Variants in MSANTD4 observed in about 807,000 individuals in gnomAD.
MSANTD4 encodes myb/SANT-like DNA-binding domain-containing protein 4.
A neutral mutation model predicts 34.3 loss-of-function variants in MSANTD4; 13 were observed. That is an observed-to-expected ratio of 0.38 (90% confidence interval 0.25 to 0.60). The LOEUF (loss-of-function observed/expected upper bound fraction) is 0.60, where lower values mean the gene tolerates loss of function less well. Among genes scored for constraint, MSANTD4 ranks in the 20% least tolerant of loss-of-function variants. The pLI is 0.63. For missense variants in MSANTD4, 358 were observed against 401.8 expected, an observed-to-expected ratio of 0.89 and a Z score of 0.93; for synonymous variants, 137 against 145.2, an observed-to-expected ratio of 0.94 and a Z score of 0.41.
chr11:106,010,554 T>G lies in MSANTD4; in HGVS notation c.364A>C (p.Asn122His), dbSNP rs138206135. 7 of 1,614,176 alleles carry G rather than the reference T, an allele frequency of 4.3e-6. No individual in the cohort carries two copies. The highest frequency in any genetic ancestry group is 5.9e-6 in the Non-Finnish European group (7 of 1,180,024). Residue 122 changes from asparagine (N) to histidine (H), a missense_variant, in exon 2 of 3, where the codon AAT becomes CAT. Asn to His is a moderately conservative substitution (Grantham distance 68). Around this residue, in one of 2 missense-constraint regions of MSANTD4, gnomAD observed 312 missense variants for 317.6 expected, o/e 0.98. Coordinates refer to ENST00000301919, the MANE Select transcript of MSANTD4 (RefSeq NM_032424.3). ...TCTGCCACATTTTGCCAGTCAAAATTTGCATCATTTCGGAATCCAATCTTT... is the reference window on the plus strand; with the variant it reads ...TCTGCCACATTTTGCCAGTCAAAATGTGCATCATTTCGGAATCCAATCTTT... ...DEKIGFRNDA[N>H]FDWQNVADFR...
At position 106,009,706 on chromosome 11, in the gene MSANTD4, T is replaced by C. The variant is rs773665620; in HGVS notation, c.867A>G (p.Gln289=). The C allele has an allele frequency of 1.2e-6, 2 of 1,614,120 alleles. No homozygotes were observed. The highest frequency in any genetic ancestry group is 2.7e-5 in the African/African-American group (2 of 74,948). The change falls in exon 3 of 3, where the codon CAA becomes CAG. Residue 289 remains glutamine, a synonymous_variant. Coordinates refer to ENST00000301919, the MANE Select transcript of MSANTD4 (RefSeq NM_032424.3). ...ELGQGEKSML[Q]PQDIETEKLK... ...ACTTCTCTGTTTCTATGTCCTGTGG[T>C]TGAAGCATGGATTTTTCTCCTTGAC...
At chr11:106,011,748 G>C (rs1180456811) in intron 1 of MSANTD4, among the ~76,000 whole-genome samples, 2 of 152,086 alleles carry the variant, frequency 1.3e-5, no homozygotes, top group Admixed American at 6.5e-5. Flanking sequence ...AATATGTTTT[G>C]AATGAATGAA....
rs1859676087 is a variant in MSANTD4 at position 106,011,029 on chromosome 11, T to C, written c.-112A>G. The C allele has an allele frequency of 2.8e-6, 4 of 1,430,520 alleles. No homozygotes were observed. The highest frequency in any genetic ancestry group is 3.6e-6 in the Non-Finnish European group (4 of 1,096,976). The allele number at this position is 1,430,520 out of a possible 1,614,324, so 88.6% of individuals were successfully genotyped here. A position where few individuals can be genotyped will look rare whatever the true frequency, so the allele number is the denominator to read the frequency against. ...TGCTGGCCCTTAGTTCAAATCATTGTCTTCCATTCATCTAGTGGCAAGGCA... is the reference window on the plus strand; with the variant it reads ...TGCTGGCCCTTAGTTCAAATCATTGCCTTCCATTCATCTAGTGGCAAGGCA... On this transcript the variant is annotated 5_prime_UTR_variant, in exon 2 of 3. Coordinates refer to ENST00000301919, the MANE Select transcript of MSANTD4 (RefSeq NM_032424.3).
rs1860035251 is a variant in MSANTD4 at position 106,021,522 on chromosome 11, G to A, written c.-711C>T. On this transcript the variant is annotated 5_prime_UTR_variant, in exon 1 of 3. Coordinates refer to ENST00000301919, the MANE Select transcript of MSANTD4 (RefSeq NM_032424.3). Reference sequence around the variant, plus strand: ...AAGTTCCGGATCAAAAAAATTTGAGGGTAAATTAGTTAAGCAGTTCAAGAA... The same window carrying A: ...AAGTTCCGGATCAAAAAAATTTGAGAGTAAATTAGTTAAGCAGTTCAAGAA... 1 of 151,918 alleles carries A rather than the reference G, an allele frequency of 6.6e-6. No individual in the cohort carries two copies. The highest frequency in any genetic ancestry group is 1.5e-5 in the Non-Finnish European group (1 of 67,976). The allele number at this position is 151,918 out of a possible 1,614,324, so 9.4% of individuals were successfully genotyped here.
chr11:106,017,902 C>T (rs1163340275), intron 1 of MSANTD4, among the ~76,000 whole-genome samples: 1 of 152,110 alleles, frequency 6.6e-6, no homozygotes, highest in Non-Finnish European at 1.5e-5. Flanking sequence ...AGAGCTGTGT[C>T]TCTCAAACTA....
rs547721225 is a variant in MSANTD4, at chr11:106,021,266, T to A, written c.-455A>T. ...GTCTCTAAAACTTACAAACCTTCTA[T>A]GCCCAATCACAGAGAACAGCCATTT... is the stretch of plus-strand genomic sequence containing the variant. On this transcript the variant is annotated 5_prime_UTR_variant, in exon 1 of 3. Transcript: ENST00000301919. 6.6e-6 allele frequency: 1 copy of A among 152,248 alleles called. No individual in the cohort carries two copies. The highest frequency in any genetic ancestry group is 1.9e-4 in the East Asian group (1 of 5,200). The allele number at this position is 152,248 out of a possible 1,614,324, so 9.4% of individuals were successfully genotyped here.
In MSANTD4 at chr11:106,008,807, T is replaced by C. The variant is rs1810576258; in HGVS notation, c.*728A>G. The C allele has an allele frequency of 6.6e-6, 1 of 152,182 alleles. No individual in the cohort carries two copies. Among genetic ancestry groups the C allele is most frequent in the East Asian group, 1.9e-4 (1 of 5,198 alleles). 9.4% of individuals were successfully genotyped at this position (152,182 alleles called of 1,614,324 possible). The stretch of plus-strand genomic sequence containing the variant: ...AAAGAATTCTTTTCAAAGTGACCCA[T>C]TTTAGAAAATTTCTGATGTTCTCTG... On this transcript the variant is annotated 3_prime_UTR_variant, in exon 3 of 3. Coordinates refer to ENST00000301919, the MANE Select transcript of MSANTD4 (RefSeq NM_032424.3).
Position 106,011,002 on chromosome 11 carries a change from T to G in MSANTD4, c.-85A>C, listed in dbSNP as rs551388802. ...AAAGCACAAAAACCAGGGATAATTC[T>G]TTGCTGGCCCTTAGTTCAAATCATT... On this transcript the variant is annotated 5_prime_UTR_variant, in exon 2 of 3. Transcript: ENST00000301919. 1 of 1,456,108 alleles carries G rather than the reference T, an allele frequency of 6.9e-7. No individual in the cohort carries two copies. Among genetic ancestry groups the G allele is most frequent in the East Asian group, 2.4e-5 (1 of 41,248 alleles). The allele number at this position is 1,456,108 out of a possible 1,614,324, so 90.2% of individuals were successfully genotyped here.
intron 2 of MSANTD4, 136 bp downstream of exon 2, chr11:106,010,320 A>G (rs1233450205): frequency 2.2e-6 from 3 of 1,382,538 alleles, no homozygotes; most frequent in Non-Finnish European, 2.9e-6. Context: ...CGATGTAAAG[A>G]GAAAAGCAGA....
rs983539344 is a variant in MSANTD4 at position 106,015,817 on chromosome 11, T to C, written c.-150-4750A>G. Among the ~76,000 whole-genome samples the C allele has an allele frequency of 5.3e-5, 8 of 152,170 alleles. 1 individual carries two copies. The highest frequency in any genetic ancestry group is 7.3e-5 in the Non-Finnish European group (5 of 68,030). ...ATAAATAAAAGAAAATGAAATGTTTTAACATCTGATTCCAAGGCAGTTTAG... is the reference window on the plus strand; with the variant it reads ...ATAAATAAAAGAAAATGAAATGTTTCAACATCTGATTCCAAGGCAGTTTAG... On this transcript the variant is annotated intron_variant, in intron 1 of 2. Coordinates refer to ENST00000301919, the MANE Select transcript of MSANTD4 (RefSeq NM_032424.3).
At chr11:106,019,426 C>T (rs775473073) in intron 1 of MSANTD4, among the ~76,000 whole-genome samples, 3 of 152,138 alleles carry the variant, frequency 2.0e-5, no homozygotes, top group Non-Finnish European at 4.4e-5. Context: ...GAGATATTTA[C>T]ATTCAATAAT....
rs1565386553 is a variant in MSANTD4, at chr11:106,009,784, C to T, written c.789G>A (p.Lys263=). The change falls in exon 3 of 3, where the codon AAG becomes AAA. Residue 263 remains lysine, a synonymous_variant. Transcript: ENST00000301919. ...CTGAATTGACTATCTGTAACCTCAA[C>T]TTTTCTCTTTCAATCTGCAGCCGCT... is the stretch of plus-strand genomic sequence containing the variant. ...EKERLQIERE[K]LRLQIVNSEK... is the part of the protein sequence containing the mutation. The T allele has an allele frequency of 2.5e-6, 4 of 1,614,214 alleles. No homozygotes were observed. Among genetic ancestry groups the T allele is most frequent in the Non-Finnish European group, 3.4e-6 (4 of 1,180,044 alleles).
intron 1 of MSANTD4, among the ~76,000 whole-genome samples, chr11:106,016,692 C>T (rs1264369417): frequency 6.6e-6 from 1 of 152,164 alleles, no homozygotes; most frequent in Non-Finnish European, 1.5e-5. Flanking sequence ...AGCAAGTCAA[C>T]ATAGGCAAGA....
chr11:106,009,420 C>T lies in MSANTD4; in HGVS notation c.*115G>A. The stretch of plus-strand genomic sequence containing the variant: ...GTTATCCACATATAACTTTTTCCTA[C>T]TGAACACTGACATTAGACAAGAAAC... On this transcript the variant is annotated 3_prime_UTR_variant, in exon 3 of 3. Coordinates refer to ENST00000301919, the MANE Select transcript of MSANTD4 (RefSeq NM_032424.3). The T allele has an allele frequency of 9.9e-7, 1 of 1,011,848 alleles. No homozygotes were observed. Among genetic ancestry groups the T allele is most frequent in the South Asian group, 1.7e-5 (1 of 59,570 alleles). 62.7% of individuals were successfully genotyped at this position (1,011,848 alleles called of 1,614,324 possible). A position where few individuals can be genotyped will look rare whatever the true frequency, so the allele number is the denominator to read the frequency against.
intron 1 of MSANTD4, among the ~76,000 whole-genome samples, chr11:106,019,909 T>C (rs1859978940): frequency 6.6e-6 from 1 of 152,198 alleles, no homozygotes. Context: ...ACTTAACCTC[T>C]TAAACTTGTT....
At position 106,016,815 on chromosome 11, in the gene MSANTD4, T is replaced by C. The variant is rs1458448295; in HGVS notation, c.-151+4147A>G. Reference sequence around the variant, plus strand: ...AGAAAAATCTTCAGCTAACAGGCTATATTGCTAGTCAGGCATATTGACCAA... The same window carrying C: ...AGAAAAATCTTCAGCTAACAGGCTACATTGCTAGTCAGGCATATTGACCAA... On this transcript the variant is annotated intron_variant, in intron 1 of 2. Transcript: ENST00000301919. Among the ~76,000 whole-genome samples, 3 of 152,168 alleles carry C rather than the reference T, an allele frequency of 2.0e-5. No individual in the cohort carries two copies. In the East Asian group the frequency reaches 5.8e-4, roughly 29 times the overall value.
chr11:106,017,710 CTA>C (rs1285086302), intron 1 of MSANTD4, among the ~76,000 whole-genome samples: 2 of 151,846 alleles, frequency 1.3e-5, no homozygotes, highest in African/African-American at 4.8e-5. Flanking sequence ...CATTAAAAAG[CTA>C]TGTCTGTTGA....
intron 2 of MSANTD4, 146 bp downstream of exon 2, chr11:106,010,310 C>T (rs1309856883): frequency 5.3e-6 from 7 of 1,325,088 alleles, no homozygotes; most frequent in African/African-American, 4.4e-5. Flanking sequence ...AAAGTATTAA[C>T]GATGTAAAGA....
At chr11:106,019,837 A>G (rs1859976611) in intron 1 of MSANTD4, among the ~76,000 whole-genome samples, 1 of 152,258 alleles carries the variant, frequency 6.6e-6, no homozygotes, top group South Asian at 2.1e-4. Flanking sequence ...TTGTGAATAC[A>G]GACTACCTAA....
Sources: allele counts gnomAD v4.1 joint callset (sites outside exome capture counted in the v4.1 genomes callset), GRCh38; gene constraint gnomAD v4.1.1; regional missense constraint gnomAD v4.1.1; transcripts MANE v1.5; gene names NCBI Gene and HGNC (gene_info 2026-07-23, HGNC 2026-07-21).